COL27A1: variants seen among roughly 807,000 people sequenced by gnomAD.
COL27A1 encodes collagen type XXVII alpha 1 chain.
In COL27A1, 106 loss-of-function variants were observed where a neutral mutation model predicts 251.3. That is an observed-to-expected ratio of 0.42 (90% CI 0.36 to 0.50). The LOEUF (loss-of-function observed/expected upper bound fraction) is 0.50. Among genes scored for constraint, COL27A1 ranks in the 20% least tolerant of loss-of-function variants. COL27A1 has a pLI of 0.00. For synonymous variants in COL27A1, 1,000 were observed against 986.3 expected, an observed-to-expected ratio of 1.01 and a Z score of -0.26; for missense variants, 2,325 against 2,522.8, an observed-to-expected ratio of 0.92 and a Z score of 1.68.
intron 27 of COL27A1, among the ~76,000 whole-genome samples, chr9:114,254,757 A>G (rs1326471023): frequency 6.6e-6 from 1 of 152,218 alleles, no homozygotes; most frequent in Non-Finnish European, 1.5e-5. Flanking sequence ...CAGCTCCTAC[A>G]CTTTTTCATG....
chr9:114,167,564 A>G (rs1848973921), intron 2 of COL27A1, 125 bp from the exon 3 acceptor site: 1 of 797,250 alleles, frequency 1.3e-6, no homozygotes, highest in Non-Finnish European at 2.0e-6. Flanking sequence ...TTTTAGATGA[A>G]TGAACAAAGG....
intron 27 of COL27A1, among the ~76,000 whole-genome samples, chr9:114,255,066 G>A (rs564272201): frequency 3.2e-4 from 48 of 152,296 alleles, no homozygotes; most frequent in African/African-American, 1.4e-4. Context: ...AAGTTGGAAC[G>A]TTCTTGAGGA....
intron 54 of COL27A1, 72 bp from the exon 55 acceptor site, chr9:114,301,610 A>G: frequency 1.3e-6 from 2 of 1,537,414 alleles, no homozygotes; most frequent in Non-Finnish European, 1.8e-6. Context: ...GGTCTGCTTG[A>G]GGAGGGACTG....
At chr9:114,196,087 TG>T in intron 7 of COL27A1, 75 bp downstream of exon 7, 1 of 1,273,628 alleles carries the variant, frequency 7.9e-7, no homozygotes, top group Non-Finnish European at 1.1e-6. Flanking sequence ...AGAAGAGCTG[TG>T]GGCCCACCTG....
chr9:114,302,616 C>T (rs949333433), intron 56 of COL27A1, among the ~76,000 whole-genome samples: 7 of 150,714 alleles, frequency 4.6e-5, no homozygotes, highest in African/African-American at 1.7e-4. Context: ...ATCCCAGCTA[C>T]AGGAGAGGTT....
chr9:114,288,543 C>T lies in COL27A1; in HGVS notation c.4044+32C>T, dbSNP rs150239449. 7.7e-4 allele frequency: 1,221 copies of T among 1,583,342 alleles called. 13 individuals are homozygous for T. The East Asian group carries it at 0.022, about 29-fold the overall frequency. On this transcript the variant is annotated intron_variant, in intron 42 of 60. Coordinates refer to ENST00000356083, the MANE Select transcript of COL27A1 (RefSeq NM_032888.4). ...CCCCTCCCTCCCCTGGACCATGTGG[C>T]GTCCTAGGTGGAATCTGAGCCTCCC...
rs375923424 is a variant in COL27A1, at chr9:114,165,533, T to G, written c.134-2156T>G. On this transcript the variant is annotated intron_variant, in intron 2 of 60. Coordinates refer to ENST00000356083, the MANE Select transcript of COL27A1 (RefSeq NM_032888.4). ...ATCCACCCACCCATCCATCCATCCATCCAGCCAGCCATTATCCATGCATCC... is the reference window on the plus strand; with the variant it reads ...ATCCACCCACCCATCCATCCATCCAGCCAGCCAGCCATTATCCATGCATCC... Among the ~76,000 whole-genome samples, 147 of 150,400 alleles carry G rather than the reference T, an allele frequency of 9.8e-4. 1 individual carries two copies. Among genetic ancestry groups the G allele is most frequent in the Middle Eastern group, 3.6e-3 (1 of 280 alleles).
intron 25 of COL27A1, 73 bp downstream of exon 25, chr9:114,250,741 C>T (rs1432607851): frequency 5.0e-6 from 7 of 1,393,074 alleles, no homozygotes; most frequent in Non-Finnish European, 7.1e-6. Context: ...TGAAGAGGCC[C>T]TTTGACCTGG....
rs1188331345 is a variant in COL27A1 at position 114,183,037 on chromosome 9, T to C, written c.1978T>C (p.Tyr660His). ...ARGPRGPPGPYGNPGLPGPPG... is the reference protein window; with the variant it reads ...ARGPRGPPGPHGNPGLPGPPG... ...TCTCTTTCAGGGTCCTCCTGGGCCT[T>C]ATGGAAATCCAGGTCTCCCCGGCCC... Residue 660 changes from tyrosine to histidine, a missense_variant, in exon 5 of 61, where the codon TAT becomes CAT. By Grantham distance (83) the Tyr-to-His change is moderately conservative. Transcript: ENST00000356083. 1.2e-6 allele frequency: 2 copies of C among 1,613,728 alleles called. No homozygotes were observed. Among genetic ancestry groups the C allele is most frequent in the Non-Finnish European group, 8.5e-7 (1 of 1,179,950 alleles).
At chr9:114,288,586 G>A in intron 42 of COL27A1, 75 bp downstream of exon 42, 1 of 1,541,884 alleles carries the variant, frequency 6.5e-7, no homozygotes, top group Admixed American at 1.9e-5. Context: ...GGAGAGGGGT[G>A]GGCCGATCAG....
At chr9:114,217,686 C>G (rs1830793965) in intron 12 of COL27A1, 1 of 442,066 alleles carries the variant, frequency 2.3e-6, no homozygotes, top group South Asian at 1.7e-5. Context: ...AAGTTCTGTC[C>G]CTTGTAGGCC....
chr9:114,188,777 AT>A (rs1432526341), intron 5 of COL27A1, among the ~76,000 whole-genome samples: 8 of 152,220 alleles, frequency 5.3e-5, no homozygotes, highest in African/African-American at 1.7e-4. Flanking sequence ...AAAGGAAGAT[AT>A]TTTTAAAAGA....
intron 3 of COL27A1, among the ~76,000 whole-genome samples, chr9:114,175,163 G>T (rs1332557322): frequency 6.6e-6 from 1 of 152,192 alleles, no homozygotes; most frequent in Non-Finnish European, 1.5e-5. Context: ...GGTCTGCTTG[G>T]TTGTTTCCAT....
chr9:114,282,137 CA>C, intron 37 of COL27A1, 139 bp from the exon 38 acceptor site: 1 of 700,262 alleles, frequency 1.4e-6, no homozygotes, highest in Non-Finnish European at 2.5e-6. Context: ...GGCTCAAGGT[CA>C]TGTGGGTACT....
At chr9:114,244,996 A>G (rs932529182) in intron 23 of COL27A1, among the ~76,000 whole-genome samples, 1 of 152,098 alleles carries the variant, frequency 6.6e-6, no homozygotes, top group African/African-American at 2.4e-5. Flanking sequence ...GGGGAGGCTG[A>G]GCCCAGAGCA....
chr9:114,300,028 C>A, intron 49 of COL27A1, 42 bp from the exon 50 acceptor site: 1 of 1,608,552 alleles, frequency 6.2e-7, no homozygotes, highest in Non-Finnish European at 8.5e-7. Context: ...GACACGCTGA[C>A]CATGAGCTCA....
intron 50 of COL27A1, 167 bp downstream of exon 50, chr9:114,300,290 T>C (rs1828528195): frequency 5.9e-6 from 4 of 679,880 alleles, no homozygotes; most frequent in African/African-American, 3.6e-5. Context: ...AGATCTAGGT[T>C]CCAAGCCCAG....
At position 114,278,989 on chromosome 9, in the gene COL27A1, A is replaced by C. The variant is rs151262050; in HGVS notation, c.3717+3221A>C. Among the ~76,000 whole-genome samples, 889 of 152,254 alleles carry C rather than the reference A, an allele frequency of 5.8e-3. 5 individuals are homozygous for C. The highest frequency in any genetic ancestry group is 7.7e-3 in the Non-Finnish European group (527 of 68,014). ...CCACTGTATGTATGCTCTCGGCTGG[A>C]GAGGGCACGTCCCAGCAAGTGGCAC... On this transcript the variant is annotated intron_variant, in intron 37 of 60. Transcript: ENST00000356083.
chr9:114,234,709 A>G (rs1430300259), intron 16 of COL27A1, among the ~76,000 whole-genome samples: 1 of 151,976 alleles, frequency 6.6e-6, no homozygotes, highest in African/African-American at 2.4e-5. Flanking sequence ...AGACCAATTT[A>G]CTTGCTGTTT....
Sources: allele counts gnomAD v4.1 joint callset (sites outside exome capture counted in the v4.1 genomes callset), GRCh38; gene constraint gnomAD v4.1.1; transcripts MANE v1.5; gene names NCBI Gene and HGNC (gene_info 2026-07-23, HGNC 2026-07-21).